Variants in CPNE9 observed in about 807,000 individuals in gnomAD.
The protein encoded by CPNE9 is copine family member 9, also known as copine-9.
In CPNE9, 59 loss-of-function variants were observed where a neutral mutation model predicts 83.0. The observed-to-expected ratio is 0.71, with a 90% confidence interval of 0.58 to 0.88. CPNE9 has a LOEUF of 0.88. CPNE9 is among the 40% of genes least tolerant of loss of function. The probability of loss-of-function intolerance (pLI) is 0.00; values close to 1 mark genes in which losing one functional copy is unlikely to be tolerated. For missense variants in CPNE9, 619 were observed against 720.8 expected (o/e 0.86, Z 1.62); for synonymous variants, 256 against 273.4 (o/e 0.94, Z 0.63).
intron 13 of CPNE9, 94 bp downstream of exon 13, chr3:9,715,620 G>C: frequency 9.5e-7 from 1 of 1,056,426 alleles, no homozygotes; most frequent in Middle Eastern, 2.0e-4. Context: ...GGGCAAGACA[G>C]TGGGCACAGA....
intron 17 of CPNE9, among the ~76,000 whole-genome samples, chr3:9,720,560 T>G (rs2076725479): frequency 6.6e-6 from 1 of 152,248 alleles, no homozygotes; most frequent in Non-Finnish European, 1.5e-5. Flanking sequence ...GTAGAAAGTT[T>G]CAATAGAGAA....
chr3:9,715,441 T>G (rs2076673410), intron 12 of CPNE9, 32 bp from the exon 13 acceptor site: 1 of 1,613,074 alleles, frequency 6.2e-7, no homozygotes, highest in Non-Finnish European at 8.5e-7. Flanking sequence ...CTTCCTTTGT[T>G]TCTCATCATC....
chr3:9,708,793 C>G (rs992067459), intron 7 of CPNE9, among the ~76,000 whole-genome samples: 1 of 151,858 alleles, frequency 6.6e-6, no homozygotes, highest in Non-Finnish European at 1.5e-5. Context: ...CCACCATGCC[C>G]GGCTAATTTT....
Position 9,721,242 on chromosome 3 carries a change from T to C in CPNE9, c.1241+2640T>C, listed in dbSNP as rs139244100. On this transcript the variant is annotated intron_variant, in intron 17 of 20. Transcript: ENST00000383832. ...TTCTGTAGACCAGAGCTTCCCAGAC[T>C]TTTCTAGCAAGTCGCCTGTCAGCAA... Among the ~76,000 whole-genome samples the C allele has an allele frequency of 7.7e-3, 1,179 of 152,308 alleles. 15 individuals are homozygous for C. Among genetic ancestry groups the C allele is most frequent in the African/African-American group, 0.027 (1,105 of 41,564 alleles).
At chr3:9,709,517 T>C (rs932157253) in intron 7 of CPNE9, among the ~76,000 whole-genome samples, 10 of 150,848 alleles carry the variant, frequency 6.6e-5, no homozygotes, top group South Asian at 2.1e-4. Flanking sequence ...TACAGGCGCC[T>C]GCCACCGCGC....
chr3:9,705,655 C>T lies in CPNE9; in HGVS notation c.298-63C>T, dbSNP rs1055041641. The T allele has an allele frequency of 5.0e-6, 8 of 1,605,708 alleles. No homozygotes were observed. The African/African-American group carries it at 9.4e-5, about 19-fold the overall frequency. On this transcript the variant is annotated intron_variant, in intron 5 of 20. Coordinates refer to ENST00000383832, the MANE Select transcript of CPNE9 (RefSeq NM_153635.3). ...GGTCCCTCTCCTCCTGCCTGAGTGT[C>T]CTGCCTGTGCCCCCTACTCACTGTT...
chr3:9,728,017 A>G (rs539542489), intron 20 of CPNE9, among the ~76,000 whole-genome samples: 1 of 152,358 alleles, frequency 6.6e-6, no homozygotes, highest in African/African-American at 2.4e-5. Flanking sequence ...TCAGTATTCT[A>G]GCTTAAGCAA....
chr3:9,704,070 C>G lies in CPNE9; in HGVS notation c.68+6C>G. 6.2e-7 allele frequency: 1 copy of G among 1,603,414 alleles called. No individual in the cohort carries two copies. Among genetic ancestry groups the G allele is most frequent in the Non-Finnish European group, 8.5e-7 (1 of 1,176,096 alleles). ...GAAATTACCGTGTCCTGCCGGTGAG[C>G]GGGCCGCGCTGGGGAGGGCTTAGGC... On this transcript the variant is annotated splice_donor_region_variant and intron_variant, in intron 1 of 20. Transcript: ENST00000383832. This position sits in a 1 kb window ranked among gnomAD's most constrained non-coding sequence, Gnocchi z 7.1.
At chr3:9,707,589 A>C (rs1156270332) in intron 7 of CPNE9, among the ~76,000 whole-genome samples, 1 of 151,594 alleles carries the variant, frequency 6.6e-6, no homozygotes, top group Non-Finnish European at 1.5e-5. Context: ...GAACAACAGG[A>C]AAGATGGAAT....
At chr3:9,717,197 G>C in intron 15 of CPNE9, 93 bp downstream of exon 15, 3 of 1,378,396 alleles carry the variant, frequency 2.2e-6, no homozygotes, top group African/African-American at 1.4e-5. Flanking sequence ...AGAGATAAGA[G>C]TTTACCTACC....
chr3:9,715,419 G>A (rs2076673054), intron 12 of CPNE9, 54 bp from the exon 13 acceptor site: 1 of 1,611,880 alleles, frequency 6.2e-7, no homozygotes, highest in Non-Finnish European at 8.5e-7. Context: ...AGTGTGCTCA[G>A]TCTGGACCTC....
chr3:9,714,723 G>C (rs1244137654), intron 10 of CPNE9, among the ~76,000 whole-genome samples, 191 bp from the exon 11 acceptor site: 1 of 151,156 alleles, frequency 6.6e-6, no homozygotes, highest in Non-Finnish European at 1.5e-5. Flanking sequence ...AGTATTAATA[G>C]GGGTAGGTGG....
intron 17 of CPNE9, 131 bp from the exon 18 acceptor site, chr3:9,725,818 G>A: frequency 1.4e-6 from 1 of 715,250 alleles, no homozygotes; most frequent in Admixed American, 2.0e-5. Flanking sequence ...CAGGTCTGGG[G>A]AAGGAGCATG....
chr3:9,727,710 G>A (rs2076796926), intron 20 of CPNE9, among the ~76,000 whole-genome samples: 1 of 152,138 alleles, frequency 6.6e-6, no homozygotes, highest in Non-Finnish European at 1.5e-5. Context: ...GCAAAATTTG[G>A]GGGTATGTTA....
chr3:9,726,589 C>A, intron 18 of CPNE9, 76 bp from the exon 19 acceptor site: 1 of 1,149,100 alleles, frequency 8.7e-7, no homozygotes, highest in Non-Finnish European at 1.3e-6. Flanking sequence ...CACACATACA[C>A]AGAGAACTGT....
In CPNE9 at chr3:9,729,684, C is replaced by T; in HGVS notation, c.1654C>T (p.Gln552Ter). ...ANPSPIPAPE[Q>*]P The stretch of plus-strand genomic sequence containing the variant: ...CCCCAGCCCGATCCCAGCTCCAGAG[C>T]AGCCCTGAGGATTCCACATATCCAA... The change falls in exon 21 of 21, where the codon CAG becomes TAG. Residue 552 changes from glutamine to a stop codon, truncating the protein, a stop_gained. Coordinates refer to ENST00000383832, the MANE Select transcript of CPNE9 (RefSeq NM_153635.3). LOFTEE classifies it high-confidence loss of function. 6.2e-7 allele frequency: 1 copy of T among 1,612,976 alleles called. No individual in the cohort carries two copies. The highest frequency in any genetic ancestry group is 8.5e-7 in the Non-Finnish European group (1 of 1,179,314).
At position 9,717,337 on chromosome 3, in the gene CPNE9, G is replaced by A. The variant is rs977113994; in HGVS notation, c.931+233G>A. Among the ~76,000 whole-genome samples, 4 of 152,310 alleles carry A rather than the reference G, an allele frequency of 2.6e-5. No individual in the cohort carries two copies. In the South Asian group the frequency reaches 8.3e-4, roughly 32 times the overall value. ...TGGATGAGTAGGCTGATGGATGAGA[G>A]AGAAAGGGGGTATAAGGAGAGATGG... On this transcript the variant is annotated intron_variant, in intron 15 of 20. Coordinates refer to ENST00000383832, the MANE Select transcript of CPNE9 (RefSeq NM_153635.3).
At chr3:9,713,547 G>A (rs1377055704) in intron 10 of CPNE9, among the ~76,000 whole-genome samples, 1 of 152,108 alleles carries the variant, frequency 6.6e-6, no homozygotes, top group Non-Finnish European at 1.5e-5. Context: ...GGATGGGTGG[G>A]TGATAAATTG....
Position 9,704,191 on chromosome 3 carries a change from G to T in CPNE9, c.68+127G>T. 1.1e-6 allele frequency: 1 copy of T among 882,936 alleles called. No individual in the cohort carries two copies. Among genetic ancestry groups the T allele is most frequent in the Non-Finnish European group, 1.7e-6 (1 of 578,472 alleles). 54.7% of individuals were successfully genotyped at this position (882,936 alleles called of 1,614,324 possible). A position where few individuals can be genotyped will look rare whatever the true frequency, so the allele number is the denominator to read the frequency against. ...CGAAATTGGCTGGAAAATCACAGCTGATGACAGGGCGAGTAGCTGGTGGGA... is the reference window on the plus strand; with the variant it reads ...CGAAATTGGCTGGAAAATCACAGCTTATGACAGGGCGAGTAGCTGGTGGGA... On this transcript the variant is annotated intron_variant, in intron 1 of 20. Coordinates refer to ENST00000383832, the MANE Select transcript of CPNE9 (RefSeq NM_153635.3). The surrounding 1 kb of genome is among the most constrained non-coding windows in gnomAD (Gnocchi z 7.1).
Sources: allele counts gnomAD v4.1 joint callset (sites outside exome capture counted in the v4.1 genomes callset), GRCh38; gene constraint gnomAD v4.1.1; non-coding constraint Gnocchi (gnomAD v3.1); transcripts MANE v1.5; gene names NCBI Gene and HGNC (gene_info 2026-07-23, HGNC 2026-07-21).